The following CDKAL1 variants were observed in gnomAD, a reference collection of about 807,000 sequenced individuals.
The protein encoded by CDKAL1 is CDKAL1 threonylcarbamoyladenosine tRNA methylthiotransferase.
Under a neutral mutation model 68.2 loss-of-function variants are expected in CDKAL1, and 32 were observed. The ratio of observed to expected loss-of-function variants is 0.47; its 90% confidence interval spans 0.35 to 0.63. The LOEUF is 0.63. Ranked by LOEUF, CDKAL1 falls within the 30% of genes least tolerant of loss-of-function variation. The pLI is 0.00. For missense variants in CDKAL1, 606 were observed against 696.7 expected, an observed-to-expected ratio of 0.87 and a Z score of 1.47; for synonymous variants, 234 against 244.3, an observed-to-expected ratio of 0.96 and a Z score of 0.39.
At chr6:20,623,014 T>C (rs1233538463) in intron 4 of CDKAL1, among the ~76,000 whole-genome samples, 1 of 152,098 alleles carries the variant, frequency 6.6e-6, no homozygotes, top group Non-Finnish European at 1.5e-5. Flanking sequence ...TCTAAGCATA[T>C]TTGTGGTGAC....
intron 12 of CDKAL1, among the ~76,000 whole-genome samples, chr6:21,084,792 G>GAT (rs1037301555): frequency 6.6e-6 from 1 of 152,104 alleles, no homozygotes; most frequent in Non-Finnish European, 1.5e-5. Context: ...ATATATGACT[G>GAT]ATATCCCTGG....
chr6:21,119,415 A>G (rs1208896887), intron 13 of CDKAL1, among the ~76,000 whole-genome samples: 1 of 152,254 alleles, frequency 6.6e-6, no homozygotes, highest in East Asian at 1.9e-4. Flanking sequence ...ATGTGAAGTT[A>G]CAATTTTTAG....
intron 8 of CDKAL1, among the ~76,000 whole-genome samples, chr6:20,845,179 CATTTGTG>C (rs1442228731): frequency 1.3e-5 from 2 of 152,050 alleles, no homozygotes; most frequent in Non-Finnish European, 1.5e-5. Context: ...AATTTTAAAG[CATTTGTG>C]TACTATGGTC....
chr6:21,135,762 TG>T (rs771307945), intron 13 of CDKAL1: 3 of 934,344 alleles, frequency 3.2e-6, no homozygotes, highest in Non-Finnish European at 3.8e-6. Context: ...AGGAAGGCAG[TG>T]CCAGAAAGAC....
intron 4 of CDKAL1, among the ~76,000 whole-genome samples, chr6:20,599,996 G>T (rs911303079): frequency 6.6e-6 from 1 of 152,120 alleles, no homozygotes; most frequent in African/African-American, 2.4e-5. Context: ...TTCAAATCCT[G>T]GCAGCTGTGC....
chr6:20,920,289 T>C (rs569801636), intron 9 of CDKAL1, among the ~76,000 whole-genome samples: 28 of 152,202 alleles, frequency 1.8e-4, no homozygotes, highest in African/African-American at 6.5e-4. Flanking sequence ...GACCTGAAAA[T>C]GTACGCCTAC....
intron 11 of CDKAL1, 138 bp from the exon 12 acceptor site, chr6:21,064,910 C>A: frequency 4.1e-6 from 2 of 483,066 alleles, no homozygotes; most frequent in South Asian, 5.8e-5. Flanking sequence ...GTATTTAGGA[C>A]TCTTTGAAAC....
intron 9 of CDKAL1, among the ~76,000 whole-genome samples, chr6:20,859,882 G>A (rs1439905862): frequency 1.3e-5 from 2 of 152,090 alleles, no homozygotes; most frequent in African/African-American, 4.8e-5. Context: ...TTAGTTCCTT[G>A]AATATAGCAA....
chr6:21,206,763 A>G (rs1188381702), intron 15 of CDKAL1, among the ~76,000 whole-genome samples: 1 of 152,202 alleles, frequency 6.6e-6, no homozygotes, highest in Non-Finnish European at 1.5e-5. Context: ...CTTCATTTGT[A>G]TAATGGAGCT....
At chr6:20,553,913 G>T (rs1398304662) in intron 4 of CDKAL1, among the ~76,000 whole-genome samples, 1 of 146,116 alleles carries the variant, frequency 6.8e-6, no homozygotes, top group Non-Finnish European at 1.5e-5. Flanking sequence ...TGCTCGGCCA[G>T]CTTTTAAATG....
At chr6:21,125,847 G>A (rs917657402) in intron 13 of CDKAL1, among the ~76,000 whole-genome samples, 22 of 152,186 alleles carry the variant, frequency 1.4e-4, no homozygotes, top group African/African-American at 5.1e-4. Flanking sequence ...GGGGAGTTAG[G>A]TGTCCCTTTC....
intron 12 of CDKAL1, among the ~76,000 whole-genome samples, chr6:21,098,361 G>A (rs1161579889): frequency 6.6e-6 from 1 of 152,064 alleles, no homozygotes; most frequent in African/African-American, 2.4e-5. Context: ...ACTGTAGGGG[G>A]AATGAAGGAC....
At chr6:21,059,754 C>A (rs895634655) in intron 11 of CDKAL1, among the ~76,000 whole-genome samples, 5 of 152,060 alleles carry the variant, frequency 3.3e-5, no homozygotes, top group Non-Finnish European at 5.9e-5. Context: ...TTGGCCCCTC[C>A]CCTGATTTTA....
At chr6:20,923,505 G>A (rs902413033) in intron 9 of CDKAL1, among the ~76,000 whole-genome samples, 1 of 152,020 alleles carries the variant, frequency 6.6e-6, no homozygotes, top group Admixed American at 6.6e-5. Context: ...GAGATGCCAC[G>A]GACTATGCCC....
intron 4 of CDKAL1, among the ~76,000 whole-genome samples, chr6:20,598,164 G>A (rs1392616230): frequency 6.6e-6 from 1 of 152,200 alleles, no homozygotes; most frequent in Non-Finnish European, 1.5e-5. Flanking sequence ...ACGGAAAGCT[G>A]TAAAGCATTG....
chr6:20,703,032 C>G (rs564915688), intron 5 of CDKAL1, among the ~76,000 whole-genome samples: 1 of 152,342 alleles, frequency 6.6e-6, no homozygotes, highest in East Asian at 1.9e-4. Flanking sequence ...AAGAATCTCA[C>G]AACTTACTGT....
intron 4 of CDKAL1, among the ~76,000 whole-genome samples, chr6:20,638,780 C>A (rs900552205): frequency 7.6e-6 from 1 of 131,720 alleles, no homozygotes; most frequent in Non-Finnish European, 1.7e-5. Flanking sequence ...ATTACAAACA[C>A]GCGCCACCAT....
At chr6:20,835,071 T>G (rs1365547441) in intron 8 of CDKAL1, among the ~76,000 whole-genome samples, 1 of 152,188 alleles carries the variant, frequency 6.6e-6, no homozygotes, top group Non-Finnish European at 1.5e-5. Context: ...CAATTTATCC[T>G]GCATACTAAT....
At chr6:20,888,574 T>A (rs1311649892) in intron 9 of CDKAL1, among the ~76,000 whole-genome samples, 1 of 123,390 alleles carries the variant, frequency 8.1e-6, no homozygotes, top group Non-Finnish European at 1.6e-5. Context: ...CCTGTGTCCA[T>A]GTGTTCTCAT....
Sources: gnomAD v4.1 joint callset for allele counts (sites outside exome capture counted in the v4.1 genomes callset) on GRCh38, gnomAD v4.1.1 for gene constraint, MANE v1.5 for transcripts, NCBI Gene and HGNC (gene_info 2026-07-23, HGNC 2026-07-21) for gene names.